SMAD6: variants seen among roughly 807,000 people sequenced by gnomAD.
SMAD6 encodes SMAD family member 6, also known as MAD homolog 6.
A neutral mutation model predicts 39.4 loss-of-function variants in SMAD6; 103 were observed. The observed-to-expected ratio is 2.62, with a 90% CI of 2.23 to 3.08. SMAD6 has a LOEUF of 3.08. SMAD6 is among the 30% of genes most tolerant of loss of function. The pLI, the probability that SMAD6 is intolerant of heterozygous loss-of-function variation, is 0.00. For missense variants in SMAD6, 1,104 were observed against 742.9 expected (o/e 1.49, Z -5.65); for synonymous variants, 445 against 353.3 (o/e 1.26, Z -2.91).
intron 3 of SMAD6, among the ~76,000 whole-genome samples, chr15:66,755,943 C>T (rs34385449): frequency 0.23 from 34,694 of 151,654 alleles, 4,067 homozygotes; most frequent in Middle Eastern, 0.3. Context: ...GGCTTCATGC[C>T]GGGGGAACCC....
Position 66,703,118 on chromosome 15 carries a change from G to A in SMAD6, c.-141G>A, listed in dbSNP as rs1009581990. On this transcript the variant is annotated 5_prime_UTR_variant, in exon 1 of 4. Transcript: ENST00000288840. ...GCCCTGCGGCGCCCCTTCGACGACA[G>A]GCTGTGCGCGGTCTGCACGGCGCTC... The A allele has an allele frequency of 4.6e-4, 250 of 543,658 alleles. No individual in the cohort carries two copies. The highest frequency in any genetic ancestry group is 1.4e-3 in the Admixed American group (33 of 22,780). 33.7% of individuals were successfully genotyped at this position (543,658 alleles called of 1,614,324 possible).
intron 1 of SMAD6, among the ~76,000 whole-genome samples, chr15:66,709,005 C>A (rs1181010873): frequency 1.3e-5 from 2 of 152,192 alleles, no homozygotes; most frequent in African/African-American, 4.8e-5. Flanking sequence ...CCTGCAGCTA[C>A]CTTCATGTGT....
At chr15:66,751,103 T>G (rs975817894) in intron 3 of SMAD6, among the ~76,000 whole-genome samples, 1 of 152,150 alleles carries the variant, frequency 6.6e-6, no homozygotes, top group African/African-American at 2.4e-5. Flanking sequence ...GGAGAACAAA[T>G]ACTGAGAACG....
At chr15:66,767,691 T>C (rs1318840509) in intron 3 of SMAD6, among the ~76,000 whole-genome samples, 1 of 152,234 alleles carries the variant, frequency 6.6e-6, no homozygotes, top group African/African-American at 2.4e-5. Flanking sequence ...TAGTATTTAA[T>C]TGTGGATTAA....
In SMAD6 at chr15:66,747,410, T is replaced by TG. The variant is rs1018069804; in HGVS notation, c.952+30916dup. Reference sequence around the variant, plus strand: ...GCTCTGGCCAGACTCTGCTTCCCCGTGGGGAACTAAGCCTGCTCCTCCCGG... The same window carrying TG: ...GCTCTGGCCAGACTCTGCTTCCCCGTGGGGGAACTAAGCCTGCTCCTCCCGG... On this transcript the variant is annotated intron_variant, in intron 3 of 3. Coordinates refer to ENST00000288840, the MANE Select transcript of SMAD6 (RefSeq NM_005585.5). The surrounding 1 kb of genome is among the most constrained non-coding windows in gnomAD (Gnocchi z 4.5). Among the ~76,000 whole-genome samples, 1 of 152,222 alleles carries TG rather than the reference T, an allele frequency of 6.6e-6. No individual in the cohort carries two copies. Among genetic ancestry groups the TG allele is most frequent in the Admixed American group, 6.5e-5 (1 of 15,286 alleles).
rs978299581 is a variant in SMAD6 at position 66,781,358 on chromosome 15, G to A, written c.1314G>A (p.Val438=). 1.9e-6 allele frequency: 3 copies of A among 1,599,798 alleles called. No homozygotes were observed. In the African/African-American group the frequency reaches 4.0e-5, roughly 21 times the overall value. The part of the protein sequence containing the change: ...RKVPPGYSIK[V]FDFERSGLQH... ...TGCCCCCCGGCTACTCCATCAAGGT[G>A]TTCGACTTCGAGCGCTCGGGCCTGC... Residue 438 remains valine (V), a synonymous_variant, in exon 4 of 4, where the codon GTG becomes GTA. Coordinates refer to ENST00000288840, the MANE Select transcript of SMAD6 (RefSeq NM_005585.5).
intron 3 of SMAD6, among the ~76,000 whole-genome samples, chr15:66,739,159 C>T (rs1174389974): frequency 3.3e-5 from 5 of 150,210 alleles, no homozygotes; most frequent in African/African-American, 9.8e-5. Context: ...AGTGCAGTCT[C>T]GGCTCACTGC....
intron 3 of SMAD6, among the ~76,000 whole-genome samples, chr15:66,719,470 G>A (rs535837833): frequency 3.9e-5 from 6 of 152,212 alleles, no homozygotes; most frequent in South Asian, 4.2e-4. Context: ...TCCATCTCCC[G>A]GAGTTCTGGG....
intron 3 of SMAD6, among the ~76,000 whole-genome samples, chr15:66,763,991 C>T (rs1314414969): frequency 1.3e-5 from 2 of 152,252 alleles, no homozygotes; most frequent in African/African-American, 2.4e-5. Context: ...CGGCCATCCA[C>T]GGGACTTCCC....
Position 66,781,594 on chromosome 15 carries a change from CGA to C in SMAD6, c.*63_*64del. The C allele has an allele frequency of 7.7e-7, 1 of 1,299,664 alleles. No individual in the cohort carries two copies. The highest frequency in any genetic ancestry group is 1.0e-6 in the Non-Finnish European group (1 of 976,576). 80.5% of individuals were successfully genotyped at this position (1,299,664 alleles called of 1,614,324 possible). The stretch of plus-strand genomic sequence containing the variant: ...CGCGGCCACCGCCACCTGCCGGCCT[CGA>C]GAGGGGCCGATGCCCAGAGACACAG... On this transcript the variant is annotated 3_prime_UTR_variant, in exon 4 of 4. Transcript: ENST00000288840.
chr15:66,751,752 A>G (rs1473863560), intron 3 of SMAD6, among the ~76,000 whole-genome samples: 1 of 151,938 alleles, frequency 6.6e-6, no homozygotes, highest in Non-Finnish European at 1.5e-5. Flanking sequence ...TGTCCATTCT[A>G]CCCCCCACAC....
chr15:66,739,445 G>A (rs1045273923), intron 3 of SMAD6, among the ~76,000 whole-genome samples: 6 of 152,224 alleles, frequency 3.9e-5, no homozygotes, highest in Admixed American at 1.3e-4. Context: ...ATGGAGCACG[G>A]GTGGGCAGGC....
intron 3 of SMAD6, among the ~76,000 whole-genome samples, chr15:66,775,915 G>A (rs1156942458): frequency 6.6e-6 from 1 of 152,236 alleles, no homozygotes; most frequent in African/African-American, 2.4e-5. Flanking sequence ...CACAGGGGGA[G>A]GGGGCTGTGC....
intron 3 of SMAD6, among the ~76,000 whole-genome samples, chr15:66,755,204 C>T (rs189420788): frequency 8.7e-4 from 132 of 152,270 alleles, no homozygotes; most frequent in Middle Eastern, 3.4e-3. Context: ...TGGCCCACTA[C>T]GAAGGGCCAC....
At chr15:66,725,033 A>G (rs1401754490) in intron 3 of SMAD6, among the ~76,000 whole-genome samples, 1 of 152,110 alleles carries the variant, frequency 6.6e-6, no homozygotes, top group African/African-American at 2.4e-5. Context: ...TCCTATCCCC[A>G]CTGGCATGCT....
intron 3 of SMAD6, among the ~76,000 whole-genome samples, chr15:66,750,851 TC>T (rs1893992513): frequency 1.3e-5 from 2 of 152,126 alleles, no homozygotes; most frequent in Non-Finnish European, 2.9e-5. Flanking sequence ...TCCTGGCACT[TC>T]CCAGCACTCA....
chr15:66,740,346 A>T (rs1260175254), intron 3 of SMAD6: 1 of 152,124 alleles, frequency 6.6e-6, no homozygotes, highest in East Asian at 1.9e-4. Flanking sequence ...GCCAGTGGGT[A>T]TTTGCCATCC....
chr15:66,716,410 T>A lies in SMAD6; in HGVS notation c.875-11T>A. 1 of 1,607,660 alleles carries A rather than the reference T, an allele frequency of 6.2e-7. No individual in the cohort carries two copies. Among genetic ancestry groups the A allele is most frequent in the Non-Finnish European group, 8.5e-7 (1 of 1,174,090 alleles). ...CGGCCAACTAAGTTCTCTTTTTCTT[T>A]CCTCCCACAGATCTGTCCGATTCCA... On this transcript the variant is annotated splice_polypyrimidine_tract_variant and intron_variant, in intron 2 of 3. Coordinates refer to ENST00000288840, the MANE Select transcript of SMAD6 (RefSeq NM_005585.5).
At chr15:66,711,808 C>A (rs1893237224) in intron 2 of SMAD6, 84 bp downstream of exon 2, 8 of 974,740 alleles carry the variant, frequency 8.2e-6, no homozygotes, top group Middle Eastern at 4.2e-4. Flanking sequence ...AGCCTCAGGG[C>A]TGGAGGGCTG....
Sources: allele counts gnomAD v4.1 joint callset (sites outside exome capture counted in the v4.1 genomes callset), GRCh38; gene constraint gnomAD v4.1.1; non-coding constraint Gnocchi (gnomAD v3.1); transcripts MANE v1.5; gene names NCBI Gene and HGNC (gene_info 2026-07-23, HGNC 2026-07-21).